TTC3: variants seen among roughly 807,000 people sequenced by gnomAD.
TTC3 encodes the protein tetratricopeptide repeat domain 3.
A neutral mutation model predicts 249.6 loss-of-function variants in TTC3; 180 were observed. That is an observed-to-expected ratio of 0.72 (90% CI 0.64 to 0.82). The LOEUF (loss-of-function observed/expected upper bound fraction) is 0.82. Among genes scored for constraint, TTC3 ranks in the 40% least tolerant of loss-of-function variants. TTC3 has a pLI of 0.00. For synonymous variants in TTC3, 717 were observed against 805.0 expected (o/e 0.89, Z 1.85); for missense variants, 2,061 against 2,398.4 (o/e 0.86, Z 2.94).
At chr21:37,084,972 G>A (rs9974798) in intron 1 of TTC3, among the ~76,000 whole-genome samples, 62,107 of 151,972 alleles carry the variant, frequency 0.41, 13,319 homozygotes, top group Non-Finnish European at 0.48. Flanking sequence ...CAGCCTGGGC[G>A]ACAGAGTGAG....
At chr21:37,084,015 T>A (rs891451710) in intron 1 of TTC3, 1 of 152,182 alleles carries the variant, frequency 6.6e-6, no homozygotes, top group East Asian at 1.9e-4. Context: ...TTAGGCCAAG[T>A]GAGCTCAATA....
intron 35 of TTC3, among the ~76,000 whole-genome samples, chr21:37,179,309 T>G (rs1200734541): frequency 6.6e-6 from 1 of 152,104 alleles, no homozygotes; most frequent in Non-Finnish European, 1.5e-5. Context: ...ACAGAGAGTT[T>G]TTCTATATTC....
Position 37,148,582 on chromosome 21 carries a change from A to G in TTC3, c.2053A>G (p.Ile685Val), listed in dbSNP as rs763166792. ...CATCAGCTGTTGCCAGTACTGTAAA[A>G]TAGAATTTCACATGAATTGCTGGAA... Residue 685 changes from isoleucine (I) to valine (V), a missense_variant, in exon 23 of 46, where the codon ATA (isoleucine) becomes GTA (valine). Around this residue, in one of 3 missense-constraint regions of TTC3, gnomAD observed 989 missense variants for 1,145.1 expected, o/e 0.86. Transcript: ENST00000355666. 33 of 1,603,532 alleles carry G rather than the reference A, an allele frequency of 2.1e-5. No homozygotes were observed. The South Asian group carries it at 2.6e-4, about 13-fold the overall frequency.
chr21:37,138,718 A>G lies in TTC3; in HGVS notation c.1659+4A>G, dbSNP rs1367501305. On this transcript the variant is annotated splice_donor_region_variant and intron_variant, in intron 19 of 45. Coordinates refer to ENST00000355666, the Ensembl canonical transcript of TTC3. ...CCTTGGAATAGGACAGCCTGAGGTA[A>G]GATTTGTAACAGTGGTAATAAACAA... The G allele has an allele frequency of 6.3e-7, 1 of 1,598,630 alleles. No homozygotes were observed. Among genetic ancestry groups the G allele is most frequent in the Non-Finnish European group, 8.6e-7 (1 of 1,168,394 alleles).
intron 7 of TTC3, among the ~76,000 whole-genome samples, chr21:37,093,764 G>A (rs2835594): frequency 0.46 from 69,183 of 151,880 alleles, 16,288 homozygotes; most frequent in Non-Finnish European, 0.52. Context: ...AGAAATAAAA[G>A]GTGAGATTAG....
chr21:37,174,277 C>T (rs1373368908), intron 35 of TTC3, among the ~76,000 whole-genome samples: 1 of 152,086 alleles, frequency 6.6e-6, no homozygotes, highest in South Asian at 2.1e-4. Flanking sequence ...GTTGCGTGGC[C>T]CTACTCAAGA....
intron 12 of TTC3, among the ~76,000 whole-genome samples, chr21:37,122,738 T>C (rs1304419618): frequency 2.6e-5 from 4 of 152,148 alleles, no homozygotes; most frequent in South Asian, 4.1e-4. Flanking sequence ...GATTCAGATT[T>C]ACATATTGCT....
intron 10 of TTC3, among the ~76,000 whole-genome samples, chr21:37,103,597 ATATT>A (rs1197798923): frequency 2.0e-5 from 3 of 152,198 alleles, no homozygotes; most frequent in African/African-American, 7.2e-5. Flanking sequence ...ACTAATTGTG[ATATT>A]TATAATATAT....
chr21:37,169,841 C>CT (rs572006516), intron 34 of TTC3, among the ~76,000 whole-genome samples: 27 of 149,798 alleles, frequency 1.8e-4, no homozygotes, highest in Non-Finnish European at 3.7e-4. Context: ...GTGCGAGACT[C>CT]TGTCTCAAAA....
At chr21:37,151,265 T>G (rs1448561013) in intron 25 of TTC3, among the ~76,000 whole-genome samples, 1 of 152,152 alleles carries the variant, frequency 6.6e-6, no homozygotes, top group Admixed American at 6.5e-5. Flanking sequence ...AGTAAACATT[T>G]TGAACCTATG....
intron 11 of TTC3, among the ~76,000 whole-genome samples, chr21:37,115,465 A>G (rs1181764871): frequency 1.3e-5 from 2 of 152,326 alleles, no homozygotes; most frequent in East Asian, 1.9e-4. Flanking sequence ...AGGGAGCACT[A>G]TAATAGACTC....
exon 43 of TTC3, chr21:37,197,650 T>A: frequency 6.2e-7 from 1 of 1,612,088 alleles, no homozygotes; most frequent in Non-Finnish European, 8.5e-7. Flanking sequence ...GATGAAATTG[T>A]CCAAAGAGTG....
At chr21:37,170,675 A>G (rs1246336742) in intron 34 of TTC3, among the ~76,000 whole-genome samples, 4 of 152,212 alleles carry the variant, frequency 2.6e-5, no homozygotes, top group Admixed American at 6.5e-5. Flanking sequence ...GACAAGATCA[A>G]TGTCTAGTTA....
At chr21:37,109,532 T>C (rs930689157) in intron 11 of TTC3, among the ~76,000 whole-genome samples, 17 of 152,164 alleles carry the variant, frequency 1.1e-4, no homozygotes, top group Non-Finnish European at 2.4e-4. Flanking sequence ...CTGCCATTGC[T>C]CAGGCTTGAG....
intron 10 of TTC3, among the ~76,000 whole-genome samples, chr21:37,106,912 C>G (rs2075131914): frequency 6.6e-6 from 1 of 152,024 alleles, no homozygotes; most frequent in Admixed American, 6.6e-5. Flanking sequence ...GAAAAAAGAT[C>G]CATATGGATG....
intron 20 of TTC3, among the ~76,000 whole-genome samples, chr21:37,144,247 A>ATAT (rs960336395): frequency 4.3e-4 from 65 of 151,742 alleles, no homozygotes; most frequent in African/African-American, 1.5e-3. Flanking sequence ...TATAATAAAA[A>ATAT]AAATATATAT....
chr21:37,147,443 G>A (rs377549417), intron 21 of TTC3, 38 bp from the exon 22 acceptor site: 107 of 1,559,786 alleles, frequency 6.9e-5, no homozygotes, highest in African/African-American at 1.2e-4. Flanking sequence ...TGACAGATTA[G>A]TATTGTAATG....
rs968043533 is a variant in TTC3, at chr21:37,088,997, A to C, written c.426+111A>C. 6 of 954,756 alleles carry C rather than the reference A, an allele frequency of 6.3e-6. No individual in the cohort carries two copies. In the Admixed American group the frequency reaches 7.8e-5, roughly 12 times the overall value. 59.1% of individuals were successfully genotyped at this position (954,756 alleles called of 1,614,324 possible). ...ATAGCAATTAACAGGTAATGGTTTT[A>C]GTTTTGGTTAACCTGAGATAAATCT... On this transcript the variant is annotated intron_variant, in intron 5 of 45. Coordinates refer to ENST00000355666, the Ensembl canonical transcript of TTC3.
At chr21:37,131,866 A>T (rs2077497356) in intron 16 of TTC3, among the ~76,000 whole-genome samples, 1 of 152,226 alleles carries the variant, frequency 6.6e-6, no homozygotes, top group Admixed American at 6.5e-5. Context: ...AGAAAACTCC[A>T]CATCGAGTGC....
Sources: gnomAD v4.1 joint callset for allele counts (sites outside exome capture counted in the v4.1 genomes callset) on GRCh38, gnomAD v4.1.1 for gene constraint, gnomAD v4.1.1 regional missense constraint, MANE v1.5 for transcripts, NCBI Gene and HGNC (gene_info 2026-07-23, HGNC 2026-07-21) for gene names.